Variants in SLC25A30 observed in about 807,000 individuals in gnomAD.
The protein encoded by SLC25A30 is kidney mitochondrial carrier protein 1.
In SLC25A30, 29 loss-of-function variants were observed where a neutral mutation model predicts 42.7. The observed-to-expected ratio is 0.68, with a 90% CI of 0.51 to 0.93. The LOEUF (loss-of-function observed/expected upper bound fraction) is 0.93. SLC25A30 is among the 40% of genes least tolerant of loss of function. SLC25A30 has a pLI of 0.00. For missense variants in SLC25A30, 300 were observed against 359.7 expected (o/e 0.83, Z 1.34); for synonymous variants, 124 against 131.0 (o/e 0.95, Z 0.37).
chr13:45,429,415 A>G, the SLC25A30 span, among the ~76,000 whole-genome samples: 1 of 152,078 alleles, frequency 6.6e-6, no homozygotes, highest in Admixed American at 6.6e-5. Flanking sequence ...TGTGTCCCCT[A>G]GAAAGCTAAT....
intron 1 of SLC25A30, among the ~76,000 whole-genome samples, chr13:45,417,857 G>T (rs367854339): frequency 1.3e-5 from 2 of 152,232 alleles, no homozygotes; most frequent in African/African-American, 4.8e-5. Context: ...TTCCGAATGT[G>T]GTGTGCCCTC....
chr13:45,425,810 A>T, the SLC25A30 span, among the ~76,000 whole-genome samples: 1 of 146,070 alleles, frequency 6.8e-6, no homozygotes, highest in Admixed American at 7.1e-5. Flanking sequence ...CTTGTGCCTC[A>T]GCCTCCAGAG....
intron 1 of SLC25A30, among the ~76,000 whole-genome samples, chr13:45,417,170 C>A (rs1236093459): frequency 6.6e-6 from 1 of 152,134 alleles, no homozygotes; most frequent in Non-Finnish European, 1.5e-5. Flanking sequence ...CGTCACCACG[C>A]CCGGCTAATT....
intron 1 of SLC25A30, among the ~76,000 whole-genome samples, chr13:45,415,585 T>C (rs1883444283): frequency 6.6e-6 from 1 of 151,724 alleles, no homozygotes; most frequent in Non-Finnish European, 1.5e-5. Context: ...ACCCGGTCTC[T>C]ACTAAAAATA....
At chr13:45,420,898 A>T (rs910033011), upstream of SLC25A30, among the ~76,000 whole-genome samples, 4 of 152,006 alleles carry the variant, frequency 2.6e-5, no homozygotes, top group African/African-American at 7.2e-5. Flanking sequence ...TGAATTTTTT[A>T]AAAATTTTGA....
At chr13:45,412,501 T>TG (rs1333400932) in intron 1 of SLC25A30, among the ~76,000 whole-genome samples, 1 of 152,174 alleles carries the variant, frequency 6.6e-6, no homozygotes, top group Non-Finnish European at 1.5e-5. Flanking sequence ...AGGCTGACTC[T>TG]GGGGTCAGAG....
chr13:45,397,215 T>TA (rs1881430257), intron 9 of SLC25A30, 43 bp downstream of exon 9: 1 of 1,238,534 alleles, frequency 8.1e-7, no homozygotes, highest in African/African-American at 1.5e-5. Flanking sequence ...TAGTATTCTT[T>TA]AGCTGTATCT....
At chr13:45,423,830 T>G in the SLC25A30 span, among the ~76,000 whole-genome samples, 1 of 76,358 alleles carries the variant, frequency 1.3e-5, no homozygotes, top group Non-Finnish European at 2.2e-5. Flanking sequence ...AAATATATAT[T>G]TATATATATA....
At chr13:45,423,350 G>C (rs1392849072), upstream of SLC25A30, among the ~76,000 whole-genome samples, 1 of 151,218 alleles carries the variant, frequency 6.6e-6, no homozygotes, top group East Asian at 1.9e-4. Flanking sequence ...AGTCTGGTGA[G>C]CTGTACTTAG....
chr13:45,398,750 A>C (rs550957452), intron 8 of SLC25A30, 190 bp downstream of exon 8: 22 of 474,784 alleles, frequency 4.6e-5, no homozygotes, highest in African/African-American at 3.8e-4. Context: ...CAGCAGATGG[A>C]GGTATAAAGA....
Position 45,394,379 on chromosome 13 carries a change from A to T in SLC25A30, c.*1595T>A, listed in dbSNP as rs1165349579. 3.0e-6 allele frequency: 3 copies of T among 985,210 alleles called. No individual in the cohort carries two copies. The highest frequency in any genetic ancestry group is 1.2e-6 in the Non-Finnish European group (1 of 829,918). 61.0% of individuals were successfully genotyped at this position (985,210 alleles called of 1,614,324 possible). ...GGAAAAATGCCTGCGAGGAAAAATT[A>T]TCTCATCCTCCAAAAAAACCTGCAG... On this transcript the variant is annotated 3_prime_UTR_variant, in exon 10 of 10. Coordinates refer to ENST00000519676, the MANE Select transcript of SLC25A30 (RefSeq NM_001010875.4).
At chr13:45,408,145 G>C (rs1882689094) in intron 3 of SLC25A30, among the ~76,000 whole-genome samples, 1 of 152,174 alleles carries the variant, frequency 6.6e-6, no homozygotes, top group Non-Finnish European at 1.5e-5. Context: ...CAGATGCCAT[G>C]AGTGAATGAT....
intron 5 of SLC25A30, 98 bp from the exon 6 acceptor site, chr13:45,402,468 T>A: frequency 1.0e-6 from 1 of 962,436 alleles, no homozygotes. Flanking sequence ...AGTCAGTTGC[T>A]TAATAACCAT....
intron 1 of SLC25A30, among the ~76,000 whole-genome samples, chr13:45,413,433 C>T (rs1446577151): frequency 6.6e-6 from 1 of 152,176 alleles, no homozygotes; most frequent in African/African-American, 2.4e-5. Context: ...TTAGACCTAG[C>T]TGATTGCAGA....
Position 45,395,023 on chromosome 13 carries a change from A to C in SLC25A30, c.*951T>G. 1.0e-6 allele frequency: 1 copy of C among 985,458 alleles called. No homozygotes were observed. The highest frequency in any genetic ancestry group is 1.2e-6 in the Non-Finnish European group (1 of 829,934). The allele number at this position is 985,458 out of a possible 1,614,324, so 61.0% of individuals were successfully genotyped here. ...AAGGGCTTCATTCACAATTACCATGAGAAGCCCATGAGAACATGCCCCTCT... is the reference window on the plus strand; with the variant it reads ...AAGGGCTTCATTCACAATTACCATGCGAAGCCCATGAGAACATGCCCCTCT... On this transcript the variant is annotated 3_prime_UTR_variant, in exon 10 of 10. Transcript: ENST00000519676.
At chr13:45,432,873 A>C in the SLC25A30 span, among the ~76,000 whole-genome samples, 2 of 151,926 alleles carry the variant, frequency 1.3e-5, no homozygotes, top group Non-Finnish European at 2.9e-5. Context: ...TACCAAAAAA[A>C]AAACAAAAAA....
chr13:45,423,629 T>C, the SLC25A30 span, among the ~76,000 whole-genome samples: 1 of 26,108 alleles, frequency 3.8e-5, no homozygotes, highest in East Asian at 9.9e-4. Context: ...TATATATATA[T>C]AAATATATAT....
the SLC25A30 span, among the ~76,000 whole-genome samples, chr13:45,428,036 C>G: frequency 6.6e-6 from 1 of 150,802 alleles, no homozygotes; most frequent in Admixed American, 6.6e-5. Context: ...AGCCACCATG[C>G]CGGCCCCCTA....
chr13:45,432,514 A>C, the SLC25A30 span, among the ~76,000 whole-genome samples: 1 of 152,146 alleles, frequency 6.6e-6, no homozygotes, highest in Non-Finnish European at 1.5e-5. Context: ...CACCACATGT[A>C]GGCAAAACCA....
Sources: allele counts gnomAD v4.1 joint callset (sites outside exome capture counted in the v4.1 genomes callset), GRCh38; gene constraint gnomAD v4.1.1; transcripts MANE v1.5; gene names NCBI Gene and HGNC (gene_info 2026-07-23, HGNC 2026-07-21).